Variants in ARHGAP21 observed in about 807,000 individuals in gnomAD.
The protein encoded by ARHGAP21 is rho GTPase-activating protein 21.
Under a neutral mutation model 164.6 loss-of-function variants are expected in ARHGAP21, and 38 were observed. The ratio of observed to expected loss-of-function variants is 0.23; its 90% confidence interval spans 0.18 to 0.30. The LOEUF is 0.30. ARHGAP21 is among the 10% of genes least tolerant of loss of function. The pLI, the probability that ARHGAP21 is intolerant of heterozygous loss-of-function variation, is 1.00. For missense variants in ARHGAP21, 1,822 were observed against 2,370.7 expected (o/e 0.77, Z 4.81); for synonymous variants, 766 against 857.9 (o/e 0.89, Z 1.87).
chr10:24,645,409 C>T (rs1297414403), intron 4 of ARHGAP21, among the ~76,000 whole-genome samples: 1 of 151,906 alleles, frequency 6.6e-6, no homozygotes, highest in African/African-American at 2.4e-5. Flanking sequence ...GGTGAAACCC[C>T]ATCTCTACTA....
At chr10:24,717,618 A>G (rs7897303) in intron 2 of ARHGAP21, among the ~76,000 whole-genome samples, 125,749 of 152,046 alleles carry the variant, frequency 0.83, 52,328 homozygotes, top group African/African-American at 0.93. Flanking sequence ...AGGACCTGAC[A>G]GGAGTTCAAT....
At chr10:24,601,922 T>C in intron 13 of ARHGAP21, 56 bp downstream of exon 13, 2 of 1,435,700 alleles carry the variant, frequency 1.4e-6, no homozygotes, top group South Asian at 1.7e-5. Flanking sequence ...GGCTTTATGG[T>C]TTATTTGTCA....
chr10:24,652,356 T>C (rs1367567358), intron 4 of ARHGAP21, among the ~76,000 whole-genome samples: 7 of 152,216 alleles, frequency 4.6e-5, no homozygotes, highest in Non-Finnish European at 5.9e-5. Flanking sequence ...AGGTGGACTT[T>C]AGGCTTAATT....
intron 2 of ARHGAP21, among the ~76,000 whole-genome samples, chr10:24,716,848 T>C (rs1428591006): frequency 6.6e-6 from 1 of 152,148 alleles, no homozygotes; most frequent in Non-Finnish European, 1.5e-5. Flanking sequence ...GGGATTGCTA[T>C]TGCTTGAGAT....
At chr10:24,660,603 C>T (rs949821361) in intron 4 of ARHGAP21, among the ~76,000 whole-genome samples, 9 of 152,130 alleles carry the variant, frequency 5.9e-5, no homozygotes, top group African/African-American at 2.2e-4. Context: ...ACCAAGGTTA[C>T]TGCTGAATAT....
intron 2 of ARHGAP21, among the ~76,000 whole-genome samples, chr10:24,720,370 T>C (rs1845806835): frequency 6.6e-6 from 1 of 152,128 alleles, no homozygotes; most frequent in Admixed American, 6.5e-5. Context: ...ACAATACATA[T>C]TATTATGTAA....
intron 9 of ARHGAP21, among the ~76,000 whole-genome samples, chr10:24,614,393 G>A (rs984758414): frequency 4.6e-5 from 7 of 152,090 alleles, no homozygotes; most frequent in African/African-American, 1.7e-4. Flanking sequence ...TATAAACCAG[G>A]CATTTGTTAG....
At chr10:24,653,574 AAAAAAAAAAAATT>A (rs1838442545) in intron 4 of ARHGAP21, among the ~76,000 whole-genome samples, 1 of 149,670 alleles carries the variant, frequency 6.7e-6, no homozygotes, top group Non-Finnish European at 1.5e-5. Flanking sequence ...CTCTGTCTCA[AAAAAAAAAAAATT>A]AAAAAAAAAG....
intron 7 of ARHGAP21, among the ~76,000 whole-genome samples, chr10:24,626,782 G>T (rs1377517972): frequency 6.6e-6 from 1 of 152,054 alleles, no homozygotes; most frequent in East Asian, 1.9e-4. Flanking sequence ...CAATAAACAC[G>T]AACCTGTCTA....
intron 3 of ARHGAP21, among the ~76,000 whole-genome samples, chr10:24,669,721 G>A (rs1418114178): frequency 6.6e-6 from 1 of 152,192 alleles, no homozygotes; most frequent in Admixed American, 6.5e-5. Flanking sequence ...TTTTCAGGCT[G>A]TGTTACTGTC....
At chr10:24,628,862 CAT>C (rs1835438717) in intron 7 of ARHGAP21, among the ~76,000 whole-genome samples, 2 of 125,332 alleles carry the variant, frequency 1.6e-5, no homozygotes, top group African/African-American at 3.0e-5. Flanking sequence ...TATATATACA[CAT>C]ATATACATAC....
At chr10:24,720,872 T>C (rs1373769294) in intron 2 of ARHGAP21, among the ~76,000 whole-genome samples, 1 of 151,604 alleles carries the variant, frequency 6.6e-6, no homozygotes, top group East Asian at 1.9e-4. Flanking sequence ...ATCTCAAAAG[T>C]AAAATTTAAA....
At chr10:24,611,963 C>A (rs2131054202) in intron 9 of ARHGAP21, among the ~76,000 whole-genome samples, 1 of 152,276 alleles carries the variant, frequency 6.6e-6, no homozygotes, top group Non-Finnish European at 1.5e-5. Flanking sequence ...CTTCTCATAA[C>A]ACCCAATGTC....
At chr10:24,600,132 CA>C (rs56180973) in intron 14 of ARHGAP21, among the ~76,000 whole-genome samples, 1,570 of 94,830 alleles carry the variant, frequency 0.017, 17 homozygotes, top group Middle Eastern at 0.025. Context: ...GACTTCGTTT[CA>C]AAAAAAAAAA....
chr10:24,635,448 G>T (rs887632402), intron 4 of ARHGAP21, among the ~76,000 whole-genome samples: 2 of 152,198 alleles, frequency 1.3e-5, no homozygotes, highest in African/African-American at 4.8e-5. Context: ...GAAGCTTAGA[G>T]GGATTAAATA....
intron 2 of ARHGAP21, among the ~76,000 whole-genome samples, chr10:24,696,126 C>T (rs1040380844): frequency 1.3e-5 from 2 of 152,232 alleles, no homozygotes; most frequent in Non-Finnish European, 2.9e-5. Flanking sequence ...AGGCATTGGA[C>T]ATCAGGCCCA....
chr10:24,681,902 G>T (rs1156419962), intron 2 of ARHGAP21, among the ~76,000 whole-genome samples: 1 of 152,074 alleles, frequency 6.6e-6, no homozygotes, highest in Non-Finnish European at 1.5e-5. Context: ...TGCTTGGGGG[G>T]AAGGACATGC....
At position 24,602,050 on chromosome 10, in the gene ARHGAP21, G is replaced by A; in HGVS notation, c.2775C>T (p.Ser925=). ...TGGCAGCATCACTGAAGACCTCTGA[G>A]GAAGAATCTTTTCTGGACCCAGAGT... ...SEDSGSRKDS[S]SEVFSDAAKE... is the part of the protein sequence containing the mutation. The change falls in exon 13 of 26, where the codon TCC becomes TCT. Residue 925 remains serine, a synonymous_variant. Coordinates refer to ENST00000396432, the MANE Select transcript of ARHGAP21 (RefSeq NM_020824.4). 2 of 1,612,994 alleles carry A rather than the reference G, an allele frequency of 1.2e-6. No homozygotes were observed. The highest frequency in any genetic ancestry group is 1.7e-6 in the Non-Finnish European group (2 of 1,179,910).
chr10:24,622,802 G>A, intron 7 of ARHGAP21, 40 bp from the exon 8 acceptor site: 1 of 1,585,906 alleles, frequency 6.3e-7, no homozygotes, highest in Non-Finnish European at 8.6e-7. Context: ...GCTGCTTACT[G>A]ATATAAAGAC....
Sources: allele counts gnomAD v4.1 joint callset (sites outside exome capture counted in the v4.1 genomes callset), GRCh38; gene constraint gnomAD v4.1.1; transcripts MANE v1.5; gene names NCBI Gene and HGNC (gene_info 2026-07-23, HGNC 2026-07-21).